The following GAD1 variants were observed in gnomAD, a reference collection of about 807,000 sequenced individuals.
GAD1 encodes the protein 67 kDa glutamic acid decarboxylase.
Under a neutral mutation model 75.2 loss-of-function variants are expected in GAD1, and 35 were observed. The ratio of observed to expected loss-of-function variants is 0.47; its 90% CI spans 0.36 to 0.62. The LOEUF is 0.62. GAD1 is among the 20% of genes least tolerant of loss of function. The pLI is 0.00. For synonymous variants in GAD1, 257 were observed against 271.9 expected, an observed-to-expected ratio of 0.95 and a Z score of 0.54; for missense variants, 490 against 758.5, an observed-to-expected ratio of 0.65 and a Z score of 4.16.
chr2:170,849,068 T>C (rs1343683267), intron 11 of GAD1: 1 of 621,054 alleles, frequency 1.6e-6, no homozygotes, highest in Non-Finnish European at 2.9e-6. Flanking sequence ...GCTGTATCAC[T>C]TGTGCAGCTA....
At position 170,830,968 on chromosome 2, in the gene GAD1, A is replaced by G; in HGVS notation, c.323A>G (p.Asn108Ser). 1 of 1,614,230 alleles carries G rather than the reference A, an allele frequency of 6.2e-7. No individual in the cohort carries two copies. Among genetic ancestry groups the G allele is most frequent in the Non-Finnish European group, 8.5e-7 (1 of 1,180,042 alleles). ...LFARDLLPAKNGEEQTVQFLL... is the reference protein window; with the variant it reads ...LFARDLLPAKSGEEQTVQFLL... ...AATTCAGATCTGCTTCCGGCTAAGA[A>G]CGGTGAGGAGCAAACCGTGCAATTC... is the stretch of plus-strand genomic sequence containing the variant. The change falls in exon 5 of 17, where the codon AAC (asparagine) becomes AGC (serine). Residue 108 changes from asparagine (N) to serine (S), a missense_variant. By Grantham distance (46) the Asn-to-Ser change is conservative (BLOSUM62 1). Transcript: ENST00000358196.
intron 14 of GAD1, among the ~76,000 whole-genome samples, chr2:170,854,697 G>A (rs1373061356): frequency 1.3e-5 from 2 of 152,134 alleles, no homozygotes; most frequent in African/African-American, 2.4e-5. Flanking sequence ...GAGCCACCGC[G>A]CCCGGCCCCT....
At chr2:170,845,944 G>GT (rs1486394989) in intron 9 of GAD1, 65 bp from the exon 10 acceptor site, 8 of 1,542,598 alleles carry the variant, frequency 5.2e-6, no homozygotes, top group Non-Finnish European at 7.2e-6. Flanking sequence ...TGCTGCTAAA[G>GT]TTTTTTTCAT....
upstream of GAD1, among the ~76,000 whole-genome samples, chr2:170,815,736 G>A (rs956733914): frequency 1.3e-5 from 2 of 152,176 alleles, no homozygotes; most frequent in Non-Finnish European, 2.9e-5. Flanking sequence ...AAAAAACTGG[G>A]GGAGAAGAAA....
chr2:170,824,419 A>ACC (rs1553574140), intron 3 of GAD1, among the ~76,000 whole-genome samples: 6 of 115,826 alleles, frequency 5.2e-5, no homozygotes, highest in Admixed American at 8.6e-5. Flanking sequence ...ACACACACAC[A>ACC]CCCCTCCCTT....
intron 6 of GAD1, among the ~76,000 whole-genome samples, chr2:170,841,573 T>A (rs1461467821): frequency 6.6e-6 from 1 of 152,160 alleles, no homozygotes; most frequent in Non-Finnish European, 1.5e-5. Context: ...AAATAAGAAA[T>A]TTTTAAAAAC....
chr2:170,834,252 G>C (rs1702313210), intron 5 of GAD1, among the ~76,000 whole-genome samples: 1 of 152,188 alleles, frequency 6.6e-6, no homozygotes, highest in African/African-American at 2.4e-5. Flanking sequence ...TGCTGATGTG[G>C]AATTTAAGCA....
chr2:170,857,276 T>C, intron 15 of GAD1, 151 bp downstream of exon 15: 2 of 634,972 alleles, frequency 3.1e-6, no homozygotes, highest in Non-Finnish European at 5.6e-6. Flanking sequence ...ATTCCTCTCT[T>C]TAATTCCTTC....
At chr2:170,829,705 C>T in intron 4 of GAD1, 72 bp downstream of exon 4, 1 of 1,500,874 alleles carries the variant, frequency 6.7e-7, no homozygotes, top group Non-Finnish European at 9.2e-7. Context: ...CTTTTTCCTG[C>T]AATTTTACTT....
chr2:170,814,761 G>C (rs1477849996), upstream of GAD1, among the ~76,000 whole-genome samples: 1 of 152,224 alleles, frequency 6.6e-6, no homozygotes, highest in Non-Finnish European at 1.5e-5. Context: ...AAGCTGGACG[G>C]ACTCAGCTTC....
chr2:170,825,072 G>A (rs1022256384), intron 3 of GAD1, among the ~76,000 whole-genome samples: 1 of 152,066 alleles, frequency 6.6e-6, no homozygotes, highest in African/African-American at 2.4e-5. Flanking sequence ...AGGGAAACAT[G>A]GCAGGTGCTG....
intron 3 of GAD1, among the ~76,000 whole-genome samples, chr2:170,823,029 C>G (rs1211309737): frequency 6.6e-6 from 1 of 152,236 alleles, no homozygotes; most frequent in African/African-American, 2.4e-5. Flanking sequence ...AGGGACACAG[C>G]TGAGTGATTC....
rs745826552 is a variant in GAD1, at chr2:170,859,701, A to G, written c.1612-8A>G. The G allele has an allele frequency of 1.1e-5, 17 of 1,614,098 alleles. No homozygotes were observed. Among genetic ancestry groups the G allele is most frequent in the Non-Finnish European group, 1.4e-5 (17 of 1,179,996 alleles). Reference sequence around the variant, plus strand: ...TCTTGAGTTTTGTTTTGTGTTTTCCATCACAAGGTGGCTCCAAAAATCAAA... The same window carrying G: ...TCTTGAGTTTTGTTTTGTGTTTTCCGTCACAAGGTGGCTCCAAAAATCAAA... On this transcript the variant is annotated splice_polypyrimidine_tract_variant and splice_region_variant and intron_variant, in intron 16 of 16. Transcript: ENST00000358196.
Position 170,848,903 on chromosome 2 carries a change from G to A in GAD1, c.1120-383G>A, listed in dbSNP as rs1004807743. On this transcript the variant is annotated intron_variant, in intron 11 of 16. Transcript: ENST00000358196. ...AGGAGCTGTTAGAATTCTACTCTGG[G>A]AAGAACCAGACAGCAGGCCTCAGTT... 4.2e-5 allele frequency: 19 copies of A among 450,276 alleles called. No individual in the cohort carries two copies. The Admixed American group carries it at 4.8e-4, about 11-fold the overall frequency. 27.9% of individuals were successfully genotyped at this position (450,276 alleles called of 1,614,324 possible). A position where few individuals can be genotyped will look rare whatever the true frequency, so the allele number is the denominator to read the frequency against.
intron 3 of GAD1, among the ~76,000 whole-genome samples, chr2:170,826,294 C>T (rs988494798): frequency 6.6e-6 from 1 of 152,056 alleles, no homozygotes; most frequent in Non-Finnish European, 1.5e-5. Context: ...GGGCCGGGCG[C>T]AGTGGCTCGC....
chr2:170,823,259 C>T (rs974930769), intron 3 of GAD1, among the ~76,000 whole-genome samples: 10 of 152,208 alleles, frequency 6.6e-5, no homozygotes, highest in Admixed American at 5.9e-4. Context: ...CCCGGAGCGC[C>T]GAGAGCCGCC....
chr2:170,844,135 T>C lies in GAD1; in HGVS notation c.729T>C (p.Asp243=), dbSNP rs1156851160. The C allele has an allele frequency of 1.9e-6, 3 of 1,593,324 alleles. No homozygotes were observed. The highest frequency in any genetic ancestry group is 3.3e-5 in the Admixed American group (2 of 59,996). Residue 243 remains aspartate (D), a synonymous_variant, in exon 7 of 17, where the codon GAT becomes GAC. Coordinates refer to ENST00000358196, the MANE Select transcript of GAD1 (RefSeq NM_000817.3). ...MREIVGWSSK[D]GDGIFSPGGA... Reference sequence around the variant, plus strand: ...AGATAGTTGGATGGTCAAGTAAAGATGGTGATGGGATATTTTCTCCTGGTA... The same window carrying C: ...AGATAGTTGGATGGTCAAGTAAAGACGGTGATGGGATATTTTCTCCTGGTA...
At chr2:170,832,655 C>CGT (rs1321535484) in intron 5 of GAD1, among the ~76,000 whole-genome samples, 5 of 34,540 alleles carry the variant, frequency 1.4e-4, no homozygotes, top group Non-Finnish European at 5.6e-4. Context: ...CACACATGCG[C>CGT]GCGCGCGCGC....
chr2:170,853,005 TA>T lies in GAD1; in HGVS notation c.1263+214del. 1 of 614,638 alleles carries T rather than the reference TA, an allele frequency of 1.6e-6. No individual in the cohort carries two copies. Among genetic ancestry groups the T allele is most frequent in the Admixed American group, 2.7e-5 (1 of 36,850 alleles). The allele number at this position is 614,638 out of a possible 1,614,324, so 38.1% of individuals were successfully genotyped here. A position where few individuals can be genotyped will look rare whatever the true frequency, so the allele number is the denominator to read the frequency against. ...GCTACTGTGCTTCTTCTTTGATCAGTACTCAGGGTCTGTCAGCAACTGAACC... is the reference window on the plus strand; with the variant it reads ...GCTACTGTGCTTCTTCTTTGATCAGTCTCAGGGTCTGTCAGCAACTGAACC... On this transcript the variant is annotated intron_variant, in intron 13 of 16. Coordinates refer to ENST00000358196, the MANE Select transcript of GAD1 (RefSeq NM_000817.3). This position sits in a 1 kb window ranked among gnomAD's most constrained non-coding sequence, Gnocchi z 4.1.
Sources: allele counts gnomAD v4.1 joint callset (sites outside exome capture counted in the v4.1 genomes callset), GRCh38; gene constraint gnomAD v4.1.1; non-coding constraint Gnocchi (gnomAD v3.1); transcripts MANE v1.5; gene names NCBI Gene and HGNC (gene_info 2026-07-23, HGNC 2026-07-21).